Variants in C5orf24 observed in about 807,000 individuals in gnomAD.
The protein encoded by C5orf24 is UPF0461 protein C5orf24.
Under a neutral mutation model 9.8 loss-of-function variants are expected in C5orf24, and 4 were observed. That is an observed-to-expected ratio of 0.41 (90% confidence interval 0.20 to 0.93). C5orf24 has a LOEUF of 0.93. Ranked by LOEUF, C5orf24 falls within the 40% of genes least tolerant of loss-of-function variation. The pLI is 0.33. For synonymous variants in C5orf24, 73 were observed against 81.3 expected, an observed-to-expected ratio of 0.90 and a Z score of 0.55; for missense variants, 170 against 236.9, an observed-to-expected ratio of 0.72 and a Z score of 1.85.
At chr5:134,835,371 C>A in the C5orf24 span, among the ~76,000 whole-genome samples, 1 of 152,036 alleles carries the variant, frequency 6.6e-6, no homozygotes, top group Non-Finnish European at 1.5e-5. Context: ...AGGAAGAGGC[C>A]GGATGCGTTG....
At chr5:134,834,580 T>TA in the C5orf24 span, among the ~76,000 whole-genome samples, 1 of 152,312 alleles carries the variant, frequency 6.6e-6, no homozygotes, top group East Asian at 1.9e-4. Context: ...AAAGAGAGCA[T>TA]AAATTCCTCT....
chr5:134,853,007 T>C (rs1267565727), intron 1 of C5orf24, among the ~76,000 whole-genome samples: 1 of 151,968 alleles, frequency 6.6e-6, no homozygotes, highest in Non-Finnish European at 1.5e-5. Context: ...CTACTAAAAA[T>C]ACAAAATATT....
intron 1 of C5orf24, among the ~76,000 whole-genome samples, chr5:134,847,674 C>A (rs1756032845): frequency 6.6e-6 from 1 of 151,252 alleles, no homozygotes; most frequent in Non-Finnish European, 1.5e-5. Flanking sequence ...TCTATTCAGT[C>A]CACGCTGTCT....
In C5orf24 at chr5:134,858,360, A is replaced by G. The variant is rs1264983406; in HGVS notation, c.*2893A>G. ...AAATTTAAAGTATTTTTACTGCTAT[A>G]TAAACTAAAGACTACATTGTGCATA... On this transcript the variant is annotated 3_prime_UTR_variant, in exon 2 of 2. Transcript: ENST00000394976. 1.2e-5 allele frequency: 2 copies of G among 167,060 alleles called. No individual in the cohort carries two copies. Among genetic ancestry groups the G allele is most frequent in the African/African-American group, 2.4e-5 (1 of 41,466 alleles). The allele number at this position is 167,060 out of a possible 1,614,324, so 10.3% of individuals were successfully genotyped here. A position where few individuals can be genotyped will look rare whatever the true frequency, so the allele number is the denominator to read the frequency against.
chr5:134,853,214 A>G (rs1472006730), intron 1 of C5orf24, among the ~76,000 whole-genome samples: 1 of 150,582 alleles, frequency 6.6e-6, no homozygotes, highest in Non-Finnish European at 1.5e-5. Context: ...ATAAAAAATT[A>G]GCCAGGCGTG....
chr5:134,838,824 A>T, the C5orf24 span, among the ~76,000 whole-genome samples: 33 of 152,088 alleles, frequency 2.2e-4, no homozygotes, highest in African/African-American at 7.5e-4. Flanking sequence ...GTTGCAGATG[A>T]AGTACTTACT....
chr5:134,850,614 A>G (rs2150173900), intron 1 of C5orf24, among the ~76,000 whole-genome samples: 1 of 151,884 alleles, frequency 6.6e-6, no homozygotes, highest in African/African-American at 2.4e-5. Flanking sequence ...CTGGGATTAC[A>G]GGCGTGCACC....
chr5:134,847,508 C>G (rs1756028350), intron 1 of C5orf24, among the ~76,000 whole-genome samples: 1 of 152,136 alleles, frequency 6.6e-6, no homozygotes, highest in Non-Finnish European at 1.5e-5. Flanking sequence ...GTTGACCAGG[C>G]TGGTCTCGAA....
chr5:134,834,483 G>A, the C5orf24 span, among the ~76,000 whole-genome samples: 1 of 152,188 alleles, frequency 6.6e-6, no homozygotes, highest in African/African-American at 2.4e-5. Flanking sequence ...TTGGAAAAGA[G>A]TCCTCCCTAT....
rs1278626985 is a variant in C5orf24 at position 134,855,471 on chromosome 5, A to G, written c.*4A>G. The G allele has an allele frequency of 6.2e-6, 10 of 1,613,540 alleles. No homozygotes were observed. Among genetic ancestry groups the G allele is most frequent in the Admixed American group, 3.3e-5 (2 of 59,742 alleles). ...AGTCAAACCACCCAATGAGTGAATGAGGCAGGAAAAGAGGGCCAGGTTTAG... is the reference window on the plus strand; with the variant it reads ...AGTCAAACCACCCAATGAGTGAATGGGGCAGGAAAAGAGGGCCAGGTTTAG... On this transcript the variant is annotated 3_prime_UTR_variant, in exon 2 of 2. Coordinates refer to ENST00000394976, the MANE Select transcript of C5orf24 (RefSeq NM_001135586.1).
chr5:134,843,706 C>T (rs1755933331), upstream of C5orf24, among the ~76,000 whole-genome samples: 2 of 152,206 alleles, frequency 1.3e-5, no homozygotes, highest in Admixed American at 1.3e-4. Flanking sequence ...TAGCGACATG[C>T]ACCACCATGC....
Position 134,855,483 on chromosome 5 carries a change from A to G in C5orf24, c.*16A>G. ...CAATGAGTGAATGAGGCAGGAAAAG[A>G]GGGCCAGGTTTAGAAGGAAGATTGT... On this transcript the variant is annotated 3_prime_UTR_variant, in exon 2 of 2. Coordinates refer to ENST00000394976, the MANE Select transcript of C5orf24 (RefSeq NM_001135586.1). 1 of 1,613,038 alleles carries G rather than the reference A, an allele frequency of 6.2e-7. No individual in the cohort carries two copies.
upstream of C5orf24, among the ~76,000 whole-genome samples, chr5:134,841,070 C>G (rs543443837): frequency 1.3e-5 from 2 of 152,244 alleles, no homozygotes; most frequent in African/African-American, 4.8e-5. Flanking sequence ...GGATTACTTC[C>G]AAGAAGCCAG....
intron 1 of C5orf24, among the ~76,000 whole-genome samples, chr5:134,853,528 C>CTTTTTTT (rs773207000): frequency 3.5e-3 from 367 of 104,164 alleles, no homozygotes; most frequent in Middle Eastern, 6.3e-3. Context: ...TCTTCTTCTT[C>CTTTTTTT]TTTTTTTTTT....
chr5:134,836,584 T>C, the C5orf24 span, among the ~76,000 whole-genome samples: 5 of 152,284 alleles, frequency 3.3e-5, no homozygotes, highest in South Asian at 1.0e-3. Flanking sequence ...CACTCTGTCA[T>C]GCAGGCTGGA....
the C5orf24 span, among the ~76,000 whole-genome samples, chr5:134,840,242 G>A: frequency 6.7e-6 from 1 of 148,236 alleles, no homozygotes; most frequent in East Asian, 2.1e-4. Context: ...GGGAGGCGGA[G>A]GTTGCAGTGA....
At chr5:134,845,381 G>T (rs1437106445), upstream of C5orf24, among the ~76,000 whole-genome samples, 1 of 152,184 alleles carries the variant, frequency 6.6e-6, no homozygotes, top group Non-Finnish European at 1.5e-5. Flanking sequence ...TCTCCATTCT[G>T]ACATCTGGAA....
Position 134,858,824 on chromosome 5 carries a change from T to C in C5orf24, c.*3357T>C, listed in dbSNP as rs1297716126. 1 of 166,326 alleles carries C rather than the reference T, an allele frequency of 6.0e-6. No homozygotes were observed. Among genetic ancestry groups the C allele is most frequent in the Non-Finnish European group, 1.5e-5 (1 of 68,068 alleles). The allele number at this position is 166,326 out of a possible 1,614,324, so 10.3% of individuals were successfully genotyped here. A position where few individuals can be genotyped will look rare whatever the true frequency, so the allele number is the denominator to read the frequency against. The stretch of plus-strand genomic sequence containing the variant: ...CAATGTATTGGAAGAAAATGAGTAG[T>C]ATCTGGTTTAATTTTTAATATTTAG... On this transcript the variant is annotated 3_prime_UTR_variant, in exon 2 of 2. Transcript: ENST00000394976.
At chr5:134,852,947 C>T (rs533965739) in intron 1 of C5orf24, among the ~76,000 whole-genome samples, 3 of 152,240 alleles carry the variant, frequency 2.0e-5, no homozygotes, top group African/African-American at 4.8e-5. Flanking sequence ...AGGCAGATCA[C>T]GAGGTCAGGA....
Sources: allele counts gnomAD v4.1 joint callset (sites outside exome capture counted in the v4.1 genomes callset), GRCh38; gene constraint gnomAD v4.1.1; transcripts MANE v1.5; gene names NCBI Gene and HGNC (gene_info 2026-07-23, HGNC 2026-07-21).